Variants in TOM1 observed in about 807,000 individuals in gnomAD.
The protein encoded by TOM1 is target of Myb protein 1.
TOM1 carries 38 observed loss-of-function variants against 61.3 expected under a neutral mutation model. The observed-to-expected ratio is 0.62, with a 90% CI of 0.48 to 0.81. The LOEUF (loss-of-function observed/expected upper bound fraction) is 0.81. Among genes scored for constraint, TOM1 ranks in the 40% least tolerant of loss-of-function variants. The pLI, the probability that TOM1 is intolerant of heterozygous loss-of-function variation, is 0.00. For synonymous variants in TOM1, 270 were observed against 268.8 expected (o/e 1.00, Z -0.04); for missense variants, 591 against 659.6 (o/e 0.90, Z 1.14).
In TOM1 at chr22:35,345,688, C is replaced by A. The variant is rs778750737; in HGVS notation, c.1225-37C>A. 3 of 1,608,262 alleles carry A rather than the reference C, an allele frequency of 1.9e-6. No homozygotes were observed. In the South Asian group the frequency reaches 3.3e-5, roughly 18 times the overall value. On this transcript the variant is annotated intron_variant, in intron 12 of 14. Transcript: ENST00000449058. ...AGCTGGCACGTCTTCCACCTTGTCA[C>A]CTAGGGCACTGCCTTACCCTCTGCC...
intron 2 of TOM1, chr22:35,318,204 A>G (rs1927475920): frequency 1.8e-6 from 1 of 571,014 alleles, no homozygotes; most frequent in Admixed American, 3.0e-5. Flanking sequence ...GTGGCAGCCC[A>G]GATTCCACAC....
chr22:35,316,443 AGACC>A (rs1160228788), intron 1 of TOM1, among the ~76,000 whole-genome samples: 3 of 152,228 alleles, frequency 2.0e-5, no homozygotes, highest in African/African-American at 7.2e-5. Context: ...CCTTTCCTAA[AGACC>A]GTTTACAAAG....
intron 13 of TOM1, among the ~76,000 whole-genome samples, chr22:35,346,630 G>A (rs907571318): frequency 1.3e-5 from 2 of 152,234 alleles, no homozygotes; most frequent in Admixed American, 6.5e-5. Context: ...TTGGCGTGCT[G>A]TGTGTTATCC....
intron 6 of TOM1, among the ~76,000 whole-genome samples, chr22:35,326,540 C>G (rs1209578018): frequency 6.6e-6 from 1 of 152,206 alleles, no homozygotes; most frequent in Admixed American, 6.5e-5. Context: ...GGGTACAGGG[C>G]AAGGACTATC....
intron 1 of TOM1, among the ~76,000 whole-genome samples, chr22:35,302,366 G>T (rs1183773608): frequency 1.9e-5 from 2 of 107,950 alleles, no homozygotes; most frequent in East Asian, 2.7e-4. Flanking sequence ...ACTGCGTTTC[G>T]CTCTTGTTGC....
chr22:35,338,640 C>A, intron 11 of TOM1, 73 bp from the exon 12 acceptor site: 1 of 1,309,340 alleles, frequency 7.6e-7, no homozygotes, highest in Non-Finnish European at 1.0e-6. Flanking sequence ...AATCTGTGCC[C>A]CCCAGCCCGC....
intron 1 of TOM1, among the ~76,000 whole-genome samples, chr22:35,313,516 C>G (rs1236297994): frequency 6.6e-6 from 1 of 152,182 alleles, no homozygotes; most frequent in East Asian, 1.9e-4. Flanking sequence ...CTGACATTGT[C>G]TGGCTGCAAG....
At chr22:35,303,892 C>G (rs1037281008) in intron 1 of TOM1, among the ~76,000 whole-genome samples, 3 of 152,172 alleles carry the variant, frequency 2.0e-5, no homozygotes, top group African/African-American at 2.4e-5. Flanking sequence ...GGCTGAACCT[C>G]TTGAGAGCAG....
intron 1 of TOM1, among the ~76,000 whole-genome samples, chr22:35,300,905 AC>A (rs138729): frequency 0.51 from 77,378 of 151,458 alleles, 22,558 homozygotes; most frequent in Non-Finnish European, 0.65. Context: ...ATAAAAAAAA[AC>A]AGTTGTAATA....
rs1053695974 is a variant in TOM1, at chr22:35,347,398, AGGTCT to A, written c.*191_*195del. The A allele has an allele frequency of 1.5e-4, 81 of 554,960 alleles. No individual in the cohort carries two copies. The highest frequency in any genetic ancestry group is 2.5e-4 in the Non-Finnish European group (80 of 323,444). The allele number at this position is 554,960 out of a possible 1,614,324, so 34.4% of individuals were successfully genotyped here. On this transcript the variant is annotated 3_prime_UTR_variant, in exon 15 of 15. Transcript: ENST00000449058. ...GAGGCAGTGGGATGAACTGGGGGAC[AGGTCT>A]GCGCTGCAGTGGGATCTGGCTGCTC... is the stretch of plus-strand genomic sequence containing the variant.
intron 11 of TOM1, among the ~76,000 whole-genome samples, chr22:35,336,206 C>T (rs1028416003): frequency 6.6e-6 from 1 of 152,178 alleles, no homozygotes; most frequent in African/African-American, 2.4e-5. Context: ...TGGTTTCCAC[C>T]CTGGCAGAAA....
Position 35,347,246 on chromosome 22 carries a change from T to C in TOM1, c.*37T>C, listed in dbSNP as rs1476431736. On this transcript the variant is annotated 3_prime_UTR_variant, in exon 15 of 15. Coordinates refer to ENST00000449058, the MANE Select transcript of TOM1 (RefSeq NM_005488.3). ...GGCACCCTGCAGCCCAGGTCCCCACTGCTCTCACACCCTTAGGCTGGGACC... is the reference window on the plus strand; with the variant it reads ...GGCACCCTGCAGCCCAGGTCCCCACCGCTCTCACACCCTTAGGCTGGGACC... 2 of 1,560,734 alleles carry C rather than the reference T, an allele frequency of 1.3e-6. No individual in the cohort carries two copies. Among genetic ancestry groups the C allele is most frequent in the African/African-American group, 1.4e-5 (1 of 72,956 alleles).
At chr22:35,314,355 G>A (rs1014607650) in intron 1 of TOM1, among the ~76,000 whole-genome samples, 1 of 151,844 alleles carries the variant, frequency 6.6e-6, no homozygotes, top group Non-Finnish European at 1.5e-5. Context: ...GAAAACCTCC[G>A]TCTTCTGATT....
chr22:35,333,555 T>G, intron 10 of TOM1, 58 bp downstream of exon 10: 1 of 1,528,508 alleles, frequency 6.5e-7, no homozygotes, highest in Non-Finnish European at 9.0e-7. Context: ...TGGGCACCCC[T>G]GCAGATTTTC....
At chr22:35,342,388 C>T (rs1929947278) in intron 12 of TOM1, among the ~76,000 whole-genome samples, 1 of 152,046 alleles carries the variant, frequency 6.6e-6, no homozygotes, top group South Asian at 2.1e-4. Context: ...CGTCTCCCTC[C>T]ACTCTGGGGC....
Position 35,333,501 on chromosome 22 carries a change from A to C in TOM1, c.1027+4A>C. 1 of 1,614,006 alleles carries C rather than the reference A, an allele frequency of 6.2e-7. No homozygotes were observed. Among genetic ancestry groups the C allele is most frequent in the East Asian group, 2.2e-5 (1 of 44,888 alleles). ...TCATCCCAGCTGGCAGGAATGAGTAAGTGTGGTTTGGAGGGCTCCAGCTGA... is the reference window on the plus strand; with the variant it reads ...TCATCCCAGCTGGCAGGAATGAGTACGTGTGGTTTGGAGGGCTCCAGCTGA... On this transcript the variant is annotated splice_donor_region_variant and intron_variant, in intron 10 of 14. Transcript: ENST00000449058.
chr22:35,314,662 G>C (rs1013550444), intron 1 of TOM1, among the ~76,000 whole-genome samples: 3 of 152,108 alleles, frequency 2.0e-5, no homozygotes, highest in African/African-American at 7.2e-5. Flanking sequence ...TGATGGTGGG[G>C]ACCACTGAGA....
intron 8 of TOM1, 44 bp downstream of exon 8, chr22:35,330,524 C>A (rs777983804): frequency 4.2e-5 from 65 of 1,547,008 alleles, no homozygotes; most frequent in Non-Finnish European, 5.5e-5. Context: ...CTGCCCCAAC[C>A]CTCTCCCTTC....
intron 12 of TOM1, among the ~76,000 whole-genome samples, chr22:35,340,044 C>T (rs1255733249): frequency 3.9e-5 from 6 of 152,388 alleles, no homozygotes; most frequent in East Asian, 3.9e-4. Context: ...GACCCCCACA[C>T]GCTTTGGCAA....
Sources: allele counts gnomAD v4.1 joint callset (sites outside exome capture counted in the v4.1 genomes callset), GRCh38; gene constraint gnomAD v4.1.1; transcripts MANE v1.5; gene names NCBI Gene and HGNC (gene_info 2026-07-23, HGNC 2026-07-21).